The following KRIT1 variants were observed in gnomAD, a reference collection of about 807,000 sequenced individuals.
KRIT1 encodes KRIT1 ankyrin repeat containing, also known as krev interaction trapped protein 1.
In KRIT1, 45 loss-of-function variants were observed where a neutral mutation model predicts 95.8. The observed-to-expected ratio is 0.47, with a 90% CI of 0.37 to 0.60. The LOEUF is 0.60. Ranked by LOEUF, KRIT1 falls within the 20% of genes least tolerant of loss-of-function variation. KRIT1 has a pLI of 0.00. For missense variants in KRIT1, 788 were observed against 877.5 expected, an observed-to-expected ratio of 0.90 and a Z score of 1.29; for synonymous variants, 282 against 278.8, an observed-to-expected ratio of 1.01 and a Z score of -0.11.
intron 10 of KRIT1, among the ~76,000 whole-genome samples, chr7:92,230,235 A>G (rs1357761938): frequency 5.3e-5 from 8 of 152,202 alleles, no homozygotes; most frequent in African/African-American, 1.9e-4. Flanking sequence ...CAGTTAACTA[A>G]CTTGCCCAAC....
intron 17 of KRIT1, among the ~76,000 whole-genome samples, chr7:92,210,036 G>A (rs899412713): frequency 6.6e-6 from 1 of 152,114 alleles, no homozygotes; most frequent in African/African-American, 2.4e-5. Context: ...TCACGCCACC[G>A]CACTCCAGCC....
chr7:92,236,253 G>T, intron 7 of KRIT1, 160 bp downstream of exon 7: 1 of 575,474 alleles, frequency 1.7e-6, no homozygotes, highest in East Asian at 3.1e-5. Flanking sequence ...CTTATCTTCG[G>T]GTTTTTCATT....
intron 13 of KRIT1, 87 bp from the exon 14 acceptor site, chr7:92,222,140 T>C (rs1795266095): frequency 2.0e-6 from 2 of 977,690 alleles, no homozygotes; most frequent in East Asian, 4.8e-5. Flanking sequence ...CTGTCTGCAC[T>C]TCTGTACTGA....
chr7:92,221,174 G>A (rs1205022119), intron 14 of KRIT1, among the ~76,000 whole-genome samples: 2 of 151,980 alleles, frequency 1.3e-5, no homozygotes, highest in African/African-American at 4.8e-5. Context: ...AGTGGCTCAC[G>A]CTTGTAATCC....
chr7:92,233,291 C>T (rs1189021177), intron 10 of KRIT1, among the ~76,000 whole-genome samples: 5 of 151,924 alleles, frequency 3.3e-5, no homozygotes, highest in Non-Finnish European at 2.9e-5. Context: ...AAATGATCTA[C>T]TGCATTTTAT....
In KRIT1 at chr7:92,201,555, C is replaced by CT. The variant is rs1206770115; in HGVS notation, c.2026-133dup. Reference sequence around the variant, plus strand: ...AATGCTTTTTCTAAAAATTATTATACTTTAAGTTCTGGGGTACACGTGCAG... The same window carrying CT: ...AATGCTTTTTCTAAAAATTATTATACTTTTAAGTTCTGGGGTACACGTGCAG... On this transcript the variant is annotated intron_variant, in intron 17 of 18. Coordinates refer to ENST00000394505, the MANE Select transcript of KRIT1 (RefSeq NM_194454.3). The CT allele has an allele frequency of 3.0e-5, 20 of 669,230 alleles. No individual in the cohort carries two copies. The Admixed American group carries it at 3.3e-4, about 11-fold the overall frequency. 41.5% of individuals were successfully genotyped at this position (669,230 alleles called of 1,614,324 possible). A position where few individuals can be genotyped will look rare whatever the true frequency, so the allele number is the denominator to read the frequency against.
Position 92,225,703 on chromosome 7 carries a change from A to G in KRIT1, c.1254+17T>C, listed in dbSNP as rs189745348. ...TTAAATACTATGCCTGGCTCTAACT[A>G]TGAAGATAATTCTTACTGGTTTGTT... On this transcript the variant is annotated intron_variant, in intron 12 of 18. Transcript: ENST00000394505. 2.9e-5 allele frequency: 37 copies of G among 1,285,568 alleles called. No individual in the cohort carries two copies. The East Asian group carries it at 7.8e-4, about 27-fold the overall frequency. 79.6% of individuals were successfully genotyped at this position (1,285,568 alleles called of 1,614,324 possible).
chr7:92,218,688 TG>T (rs1794499886), intron 14 of KRIT1, among the ~76,000 whole-genome samples: 1 of 152,166 alleles, frequency 6.6e-6, no homozygotes, highest in African/African-American at 2.4e-5. Flanking sequence ...CATTTTTAAT[TG>T]GGTTGTTGGC....
Position 92,241,074 on chromosome 7 carries a change from T to G in KRIT1, c.181A>C (p.Asn61His). Residue 61 changes from asparagine (N) to histidine (H), a missense_variant, in exon 5 of 19, where the codon AAC (asparagine) becomes CAC (histidine). This residue lies in a region of KRIT1 where 289 missense variants were observed against 277.5 expected (regional missense o/e 1.04). Coordinates refer to ENST00000394505, the MANE Select transcript of KRIT1 (RefSeq NM_194454.3). ...AATATGCCTTGTGTTATTTCACTGT[T>G]GCCTTGAAGTTTCGTTTCCAATAAA... ...KVLLETKLQGNSEITQGILDY... is the reference protein window; with the variant it reads ...KVLLETKLQGHSEITQGILDY... 6.2e-7 allele frequency: 1 copy of G among 1,611,318 alleles called. No homozygotes were observed. Among genetic ancestry groups the G allele is most frequent in the East Asian group, 2.2e-5 (1 of 44,846 alleles).
chr7:92,200,467 C>A lies in KRIT1; in HGVS notation c.*269G>T. ...CCTCCTGGGTTTAAGCGATCTCCCA[C>A]CTTGGCCTCCCTAGTAGCTAGGATT... On this transcript the variant is annotated 3_prime_UTR_variant, in exon 19 of 19. Transcript: ENST00000394505. The A allele has an allele frequency of 2.4e-6, 1 of 414,324 alleles. No homozygotes were observed. The highest frequency in any genetic ancestry group is 4.5e-6 in the Non-Finnish European group (1 of 221,610). 25.7% of individuals were successfully genotyped at this position (414,324 alleles called of 1,614,324 possible). A position where few individuals can be genotyped will look rare whatever the true frequency, so the allele number is the denominator to read the frequency against.
intron 7 of KRIT1, chr7:92,236,026 G>A (rs966207952): frequency 8.3e-6 from 2 of 242,172 alleles, no homozygotes; most frequent in East Asian, 1.1e-4. Context: ...AAACATAAAA[G>A]TACTGTTAAA....
intron 5 of KRIT1, among the ~76,000 whole-genome samples, chr7:92,238,151 G>T (rs1798820913): frequency 2.0e-5 from 3 of 152,176 alleles, no homozygotes. Context: ...TTAATGTTTA[G>T]TGGCTCTTCA....
chr7:92,246,014 C>T (rs1437344467), upstream of KRIT1: 15 of 246,628 alleles, frequency 6.1e-5, no homozygotes, highest in Non-Finnish European at 1.1e-4. Flanking sequence ...CTCCTTTTCA[C>T]TGGACCTGCA....
At chr7:92,209,017 C>T (rs185310051) in intron 17 of KRIT1, among the ~76,000 whole-genome samples, 2 of 151,910 alleles carry the variant, frequency 1.3e-5, no homozygotes, top group Non-Finnish European at 2.9e-5. Context: ...GATTTATGCC[C>T]GGGAGGTGAG....
At chr7:92,240,008 G>A (rs1024745018) in intron 5 of KRIT1, among the ~76,000 whole-genome samples, 38 of 152,026 alleles carry the variant, frequency 2.5e-4, no homozygotes, top group African/African-American at 8.7e-4. Flanking sequence ...TGCACCTCAC[G>A]TCTTATAAGT....
At chr7:92,243,865 A>G (rs1331987626) in intron 3 of KRIT1, 137 bp downstream of exon 3, 1 of 152,208 alleles carries the variant, frequency 6.6e-6, no homozygotes, top group Non-Finnish European at 1.5e-5. Flanking sequence ...TCACTAGAAA[A>G]AAATACAGTG....
At position 92,211,953 on chromosome 7, in the gene KRIT1, A is replaced by C. The variant is rs1029934445; in HGVS notation, c.2025+1242T>G. 5.9e-5 allele frequency among the ~76,000 whole-genome samples: 9 copies of C among 151,972 alleles called. No homozygotes were observed. The East Asian group carries it at 9.6e-4, about 16-fold the overall frequency. ...GAAAGAAAACAAAAAACAACAAAAA[A>C]AAAAAGCCAGGCATGGTGTTACGTG... On this transcript the variant is annotated intron_variant, in intron 17 of 18. Coordinates refer to ENST00000394505, the MANE Select transcript of KRIT1 (RefSeq NM_194454.3).
At chr7:92,226,708 A>C (rs760172132) in intron 10 of KRIT1, 26 bp from the exon 11 acceptor site, 2 of 1,607,326 alleles carry the variant, frequency 1.2e-6, no homozygotes, top group South Asian at 1.1e-5. Context: ...AACAAACAAA[A>C]AACAACAACA....
At chr7:92,243,509 C>T (rs1486640586) in intron 3 of KRIT1, among the ~76,000 whole-genome samples, 2 of 151,974 alleles carry the variant, frequency 1.3e-5, no homozygotes, top group Non-Finnish European at 1.5e-5. Context: ...CTGCAACTCT[C>T]AAGATAGACC....
Sources: gnomAD v4.1 joint callset for allele counts (sites outside exome capture counted in the v4.1 genomes callset) on GRCh38, gnomAD v4.1.1 for gene constraint, gnomAD v4.1.1 regional missense constraint, MANE v1.5 for transcripts, NCBI Gene and HGNC (gene_info 2026-07-23, HGNC 2026-07-21) for gene names.